Variants in NR3C1 observed in about 807,000 individuals in gnomAD.
NR3C1 encodes the protein nuclear receptor subfamily 3 group C member 1.
A neutral mutation model predicts 74.0 loss-of-function variants in NR3C1; 14 were observed. The observed-to-expected ratio is 0.19, with a 90% confidence interval of 0.12 to 0.30. The LOEUF (loss-of-function observed/expected upper bound fraction) is 0.30, where lower values mean the gene tolerates loss of function less well. Among genes scored for constraint, NR3C1 ranks in the 10% least tolerant of loss-of-function variants. NR3C1 has a pLI of 1.00. For synonymous variants in NR3C1, 308 were observed against 332.5 expected, an observed-to-expected ratio of 0.93 and a Z score of 0.80; for missense variants, 695 against 909.8, an observed-to-expected ratio of 0.76 and a Z score of 3.04.
chr5:143,423,884 A>T (rs539220638), intron 1 of NR3C1, among the ~76,000 whole-genome samples: 1 of 151,618 alleles, frequency 6.6e-6, no homozygotes, highest in African/African-American at 2.4e-5. Flanking sequence ...TTTCTTGCTC[A>T]TATGTGGGAA....
At chr5:143,325,820 A>C (rs959313846) in intron 2 of NR3C1, among the ~76,000 whole-genome samples, 2 of 152,172 alleles carry the variant, frequency 1.3e-5, no homozygotes, top group African/African-American at 4.8e-5. Context: ...TAAATAATGA[A>C]AACATTGGTA....
chr5:143,302,848 T>C (rs1173377082), intron 4 of NR3C1, among the ~76,000 whole-genome samples: 2 of 152,082 alleles, frequency 1.3e-5, no homozygotes, highest in Non-Finnish European at 1.5e-5. Context: ...TACAACTTTA[T>C]ATAAATTCCT....
chr5:143,326,872 T>C (rs947745553), intron 2 of NR3C1, among the ~76,000 whole-genome samples: 18 of 152,168 alleles, frequency 1.2e-4, no homozygotes, highest in African/African-American at 4.1e-4. Flanking sequence ...TAGAAAAAAG[T>C]ATAGGCATAA....
At chr5:143,293,365 T>C (rs1190608726) in intron 7 of NR3C1, among the ~76,000 whole-genome samples, 1 of 152,094 alleles carries the variant, frequency 6.6e-6, no homozygotes, top group Non-Finnish European at 1.5e-5. Context: ...TTATGGACTT[T>C]GTGGACTAGG....
rs1238190969 is a variant in NR3C1 at position 143,278,011 on chromosome 5, C to T, written c.*3878G>A. The T allele has an allele frequency of 6.6e-6, 1 of 151,936 alleles. No individual in the cohort carries two copies. The highest frequency in any genetic ancestry group is 1.5e-5 in the Non-Finnish European group (1 of 67,994). 9.4% of individuals were successfully genotyped at this position (151,936 alleles called of 1,614,324 possible). A position where few individuals can be genotyped will look rare whatever the true frequency, so the allele number is the denominator to read the frequency against. On this transcript the variant is annotated 3_prime_UTR_variant, in exon 9 of 9. Transcript: ENST00000394464. ...AAATGGCTAACATTTACTGCCAATT[C>T]GGTACAAATGTGTGGTTTGGTAATA...
chr5:143,283,046 A>T (rs996829096), intron 7 of NR3C1, among the ~76,000 whole-genome samples: 2 of 152,042 alleles, frequency 1.3e-5, no homozygotes, highest in Non-Finnish European at 2.9e-5. Flanking sequence ...TGTCTGGCTA[A>T]ATTTTTTTGT....
intron 2 of NR3C1, among the ~76,000 whole-genome samples, chr5:143,395,374 T>C (rs989214008): frequency 6.6e-6 from 1 of 151,300 alleles, no homozygotes; most frequent in Non-Finnish European, 1.5e-5. Flanking sequence ...ATGTAATGGA[T>C]TTTTTTTTGT....
At chr5:143,353,785 C>T (rs540684388) in intron 2 of NR3C1, among the ~76,000 whole-genome samples, 4 of 152,194 alleles carry the variant, frequency 2.6e-5, no homozygotes, top group Admixed American at 6.5e-5. Flanking sequence ...TAAGGGTCTT[C>T]GGATTTTTGG....
chr5:143,355,521 A>G (rs1830977956), intron 2 of NR3C1, among the ~76,000 whole-genome samples: 1 of 151,858 alleles, frequency 6.6e-6, no homozygotes, highest in African/African-American at 2.4e-5. Flanking sequence ...TGGGGGAAAA[A>G]CTCCAAAACT....
intron 2 of NR3C1, among the ~76,000 whole-genome samples, chr5:143,398,015 T>C (rs566043900): frequency 2.6e-5 from 4 of 152,086 alleles, no homozygotes; most frequent in Middle Eastern, 3.4e-3. Context: ...TTTCCTAAGA[T>C]GTTTTATTTT....
chr5:143,305,734 G>C (rs556041971), intron 4 of NR3C1, among the ~76,000 whole-genome samples: 1 of 152,100 alleles, frequency 6.6e-6, no homozygotes, highest in Non-Finnish European at 1.5e-5. Flanking sequence ...AAATACAAGA[G>C]GGGGGATAGA....
At chr5:143,367,331 C>T (rs1264415798) in intron 2 of NR3C1, among the ~76,000 whole-genome samples, 1 of 152,114 alleles carries the variant, frequency 6.6e-6, no homozygotes, top group Non-Finnish European at 1.5e-5. Flanking sequence ...AAAGGTTTCC[C>T]CACAAGATGA....
Position 143,278,834 on chromosome 5 carries a change from C to A in NR3C1, c.*3055G>T, listed in dbSNP as rs1812695775. 6.5e-6 allele frequency: 1 copy of A among 152,848 alleles called. No individual in the cohort carries two copies. Among genetic ancestry groups the A allele is most frequent in the African/African-American group, 2.4e-5 (1 of 41,436 alleles). The allele number at this position is 152,848 out of a possible 1,614,324, so 9.5% of individuals were successfully genotyped here. ...GAGCGTGGCTTTCCTTCATGGCATG[C>A]CCAGAGCTCATCCCATGCTAATTAT... On this transcript the variant is annotated 3_prime_UTR_variant, in exon 9 of 9. Coordinates refer to ENST00000394464, the MANE Select transcript of NR3C1 (RefSeq NM_000176.3).
At chr5:143,361,005 C>A (rs533955911) in intron 2 of NR3C1, among the ~76,000 whole-genome samples, 62 of 152,234 alleles carry the variant, frequency 4.1e-4, no homozygotes, top group African/African-American at 1.4e-3. Context: ...TATAGAAGAA[C>A]AGGAATGAGA....
chr5:143,279,341 C>A lies in NR3C1; in HGVS notation c.*2548G>T. The A allele has an allele frequency of 6.5e-7, 1 of 1,545,762 alleles. No individual in the cohort carries two copies. The highest frequency in any genetic ancestry group is 8.7e-7 in the Non-Finnish European group (1 of 1,145,996). On this transcript the variant is annotated 3_prime_UTR_variant, in exon 9 of 9. Transcript: ENST00000394464. ...TTCTCATTGAGTTCTATTTTTTGAG[C>A]GCCAAGATTGTTGGGATGAAAATCA...
In NR3C1 at chr5:143,344,892, C is replaced by T. The variant is rs531510848; in HGVS notation, c.1185-30724G>A. ...GACTCCATGCCCCACCCTCACCCCC[C>T]ACAAAAAAAAGAAAAAAAACTGATG... On this transcript the variant is annotated intron_variant, in intron 2 of 8. Transcript: ENST00000394464. Among the ~76,000 whole-genome samples the T allele has an allele frequency of 1.3e-3, 202 of 151,918 alleles. 4 individuals are homozygous for T. The South Asian group carries it at 0.041, about 31-fold the overall frequency.
At chr5:143,425,924 G>A (rs114236902) in intron 1 of NR3C1, among the ~76,000 whole-genome samples, 3 of 152,120 alleles carry the variant, frequency 2.0e-5, no homozygotes, top group South Asian at 2.1e-4. Context: ...GTACATGAAC[G>A]TTCATAACAA....
At chr5:143,309,569 C>T (rs993219148) in intron 4 of NR3C1, among the ~76,000 whole-genome samples, 1 of 151,998 alleles carries the variant, frequency 6.6e-6, no homozygotes, top group Non-Finnish European at 1.5e-5. Flanking sequence ...CCACTGCACC[C>T]GGCCCAGGTT....
At chr5:143,356,465 A>G (rs1002212618) in intron 2 of NR3C1, among the ~76,000 whole-genome samples, 9 of 152,104 alleles carry the variant, frequency 5.9e-5, no homozygotes, top group African/African-American at 1.7e-4. Flanking sequence ...ATTTCACTTA[A>G]TTCCCAAGCC....
Sources: gnomAD v4.1 joint callset for allele counts (sites outside exome capture counted in the v4.1 genomes callset) on GRCh38, gnomAD v4.1.1 for gene constraint, MANE v1.5 for transcripts, NCBI Gene and HGNC (gene_info 2026-07-23, HGNC 2026-07-21) for gene names.